The following CLEC14A variants were observed in gnomAD, a reference collection of about 807,000 sequenced individuals.
The protein encoded by CLEC14A is C-type lectin domain family 14 member A.
For synonymous variants in CLEC14A, 349 were observed against 292.0 expected (o/e 1.20, Z -1.99); for missense variants, 682 against 659.9 (o/e 1.03, Z -0.37).
chr14:38,254,546 T>G lies in CLEC14A; in HGVS notation c.*4A>C. The G allele has an allele frequency of 6.5e-7, 1 of 1,546,604 alleles. No individual in the cohort carries two copies. ...TCACAGGAGTGCCCATGTCCCCTGT[T>G]TCCCTATGCATCACTAGAGCCAAGA... On this transcript the variant is annotated 3_prime_UTR_variant, in exon 1 of 1. Transcript: ENST00000342213.
At position 38,254,468 on chromosome 14, in the gene CLEC14A, T is replaced by C. The variant is rs984576278; in HGVS notation, c.*82A>G. ...GGGGGATTTCTGCAGAAATTGTCAGTTACACAAGTAAGTTCCTCTTGGTTC... is the reference window on the plus strand; with the variant it reads ...GGGGGATTTCTGCAGAAATTGTCAGCTACACAAGTAAGTTCCTCTTGGTTC... On this transcript the variant is annotated 3_prime_UTR_variant, in exon 1 of 1. Transcript: ENST00000342213. The C allele has an allele frequency of 7.5e-7, 1 of 1,340,216 alleles. No individual in the cohort carries two copies. Among genetic ancestry groups the C allele is most frequent in the East Asian group, 2.3e-5 (1 of 42,894 alleles). 83.0% of individuals were successfully genotyped at this position (1,340,216 alleles called of 1,614,324 possible).
At position 38,255,912 on chromosome 14, in the gene CLEC14A, G is replaced by A. The variant is rs1269857298; in HGVS notation, c.111C>T (p.Cys37=). 1 of 1,567,334 alleles carries A rather than the reference G, an allele frequency of 6.4e-7. No individual in the cohort carries two copies. The highest frequency in any genetic ancestry group is 1.8e-5 in the Admixed American group (1 of 55,406). Reference sequence around the variant, plus strand: ...TCATGGTAGCGTGGTGCAGGCTGTAGCAGGCCCCCGAGGCCGAGCAGCCAG... The same window carrying A: ...TCATGGTAGCGTGGTGCAGGCTGTAACAGGCCCCCGAGGCCGAGCAGCCAG... ...DRAGCSASGA[C]YSLHHATMKR... The change falls in exon 1 of 1, where the codon TGC becomes TGT. Residue 37 remains cysteine (C), a synonymous_variant. Coordinates refer to ENST00000342213, the MANE Select transcript of CLEC14A (RefSeq NM_175060.3). The surrounding 1 kb of genome is among the most constrained non-coding windows in gnomAD (Gnocchi z 5.1).
rs747240370 is a variant in CLEC14A at position 38,254,623 on chromosome 14, C to A, written c.1400G>T (p.Gly467Val). 5 of 1,614,108 alleles carry A rather than the reference C, an allele frequency of 3.1e-6. No homozygotes were observed. The highest frequency in any genetic ancestry group is 8.5e-7 in the Non-Finnish European group (1 of 1,179,996). Residue 467 changes from glycine (G) to valine (V), a missense_variant, in exon 1 of 1, where the codon GGG (glycine) becomes GTG (valine). By Grantham distance (109) the Gly-to-Val change is moderately radical. Coordinates refer to ENST00000342213, the MANE Select transcript of CLEC14A (RefSeq NM_175060.3). The stretch of plus-strand genomic sequence containing the variant: ...TGCTCTGTCCCGCAGATCACAGTCC[C>A]CGACTTTCACCCCATTGTTTGTGCA... ...AHCTNNGVKV[G>V]DCDLRDRAEG... is the part of the protein sequence containing the mutation.
Position 38,254,762 on chromosome 14 carries a change from C to A in CLEC14A, c.1261G>T (p.Val421Phe), listed in dbSNP as rs749793261. Residue 421 changes from valine (V) to phenylalanine (F), a missense_variant, in exon 1 of 1, where the codon GTC (valine) becomes TTC (phenylalanine). By Grantham distance (50) the Val-to-Phe change is conservative (BLOSUM62 -1). Coordinates refer to ENST00000342213, the MANE Select transcript of CLEC14A (RefSeq NM_175060.3). ...VILTMTVLGLVKLCFHESPSS... is the reference protein window; with the variant it reads ...VILTMTVLGLFKLCFHESPSS... ...GGGCTTTCGTGAAAGCAGAGCTTGACAAGCCCCAGTACTGTCATGGTCAAG... is the reference window on the plus strand; with the variant it reads ...GGGCTTTCGTGAAAGCAGAGCTTGAAAAGCCCCAGTACTGTCATGGTCAAG... The A allele has an allele frequency of 6.2e-7, 1 of 1,614,156 alleles. No homozygotes were observed. Among genetic ancestry groups the A allele is most frequent in the Non-Finnish European group, 8.5e-7 (1 of 1,180,028 alleles).
rs538320294 is a variant in CLEC14A at position 38,256,017 on chromosome 14, C to T, written c.6G>A (p.Arg2=). The change falls in exon 1 of 1, where the codon AGG becomes AGA. Residue 2 remains arginine (R), a synonymous_variant. Coordinates refer to ENST00000342213, the MANE Select transcript of CLEC14A (RefSeq NM_175060.3). The part of the protein sequence containing the change: M[R]PAFALCLLWQ... ...AGAGGAGGCACAGGGCGAACGCCGG[C>T]CTCATTCTCTGAGGCCCCGCACGCA... is the stretch of plus-strand genomic sequence containing the variant. The T allele has an allele frequency of 6.6e-7, 1 of 1,523,706 alleles. No homozygotes were observed. 94.4% of individuals were successfully genotyped at this position (1,523,706 alleles called of 1,614,324 possible).
rs1884041659 is a variant in CLEC14A, at chr14:38,255,715, C to CT, written c.307_308insA (p.Cys103Ter). 5.1e-6 allele frequency: 8 copies of CT among 1,567,382 alleles called. No individual in the cohort carries two copies. The East Asian group carries it at 1.9e-4, about 37-fold the overall frequency. ...CCGCAAAGGCTCGTTCTCCAGGGTG[C>CT]AGTGGGAACGCCTGCGCTCCAGTGC... is the stretch of plus-strand genomic sequence containing the variant. Reference protein sequence around the residue: ...WVALERRRSHCTLENEPLRGF... With the variant: ...WVALERRRSH Residue 103 changes from cysteine to a stop codon, truncating the protein, a stop_gained and frameshift_variant, in exon 1 of 1, where the codon TGC (cysteine) becomes TAGC (stop). Coordinates refer to ENST00000342213, the MANE Select transcript of CLEC14A (RefSeq NM_175060.3). LOFTEE classifies it low-confidence loss of function (END_TRUNC). This position sits in a 1 kb window ranked among gnomAD's most constrained non-coding sequence, Gnocchi z 5.1.
At position 38,255,419 on chromosome 14, in the gene CLEC14A, C is replaced by A; in HGVS notation, c.604G>T (p.Ala202Ser). The A allele has an allele frequency of 1.2e-6, 2 of 1,613,322 alleles. No homozygotes were observed. Among genetic ancestry groups the A allele is most frequent in the Non-Finnish European group, 8.5e-7 (1 of 1,180,026 alleles). The part of the protein sequence containing the change: ...YRAPFQLHSA[A>S]LDFSPPGTEV... ...GTCCCAGGTGGACTGAAGTCCAGAG[C>A]GGCGCTGTGCAGCTGGAAGGGCGCG... Residue 202 changes from alanine (A) to serine (S), a missense_variant, in exon 1 of 1, where the codon GCT becomes TCT. Physicochemically the swap from Ala to Ser is moderately conservative, Grantham distance 99 (BLOSUM62 1). Transcript: ENST00000342213. This position sits in a 1 kb window ranked among gnomAD's most constrained non-coding sequence, Gnocchi z 5.1.
chr14:38,255,799 G>C lies in CLEC14A; in HGVS notation c.224C>G (p.Ala75Gly), dbSNP rs1202891217. The C allele has an allele frequency of 6.5e-7, 1 of 1,540,746 alleles. No individual in the cohort carries two copies. Among genetic ancestry groups the C allele is most frequent in the South Asian group, 1.2e-5 (1 of 84,480 alleles). The change falls in exon 1 of 1, where the codon GCG becomes GGG. Residue 75 changes from alanine (A) to glycine (G), a missense_variant. By Grantham distance (60) the Ala-to-Gly change is moderately conservative. Transcript: ENST00000342213. The surrounding 1 kb of genome is among the most constrained non-coding windows in gnomAD (Gnocchi z 5.1). ...GGGCCCTGGGCCTGCCCGCAGGAGC[G>C]CGAGCACAGCGCGCAGCTCGGCGCC... ...RAGAELRAVL[A>G]LLRAGPGPGG...
At position 38,255,406 on chromosome 14, in the gene CLEC14A, C is replaced by A. The variant is rs749415136; in HGVS notation, c.617G>T (p.Ser206Ile). ...CGCACTCACCTCGGTCCCAGGTGGA[C>A]TGAAGTCCAGAGCGGCGCTGTGCAG... is the stretch of plus-strand genomic sequence containing the variant. ...FQLHSAALDF[S>I]PPGTEVSALC... The change falls in exon 1 of 1, where the codon AGT (serine) becomes ATT (isoleucine). Residue 206 changes from serine to isoleucine, a missense_variant. Ser to Ile is a moderately radical substitution (Grantham distance 142, BLOSUM62 -2). Coordinates refer to ENST00000342213, the MANE Select transcript of CLEC14A (RefSeq NM_175060.3). This position sits in a 1 kb window ranked among gnomAD's most constrained non-coding sequence, Gnocchi z 5.1. The A allele has an allele frequency of 2.5e-6, 4 of 1,613,446 alleles. No individual in the cohort carries two copies. In the South Asian group the frequency reaches 4.4e-5, roughly 18 times the overall value.
At position 38,254,244 on chromosome 14, in the gene CLEC14A, T is replaced by A. The variant is rs1883992895; in HGVS notation, c.*306A>T. 2 of 257,656 alleles carry A rather than the reference T, an allele frequency of 7.8e-6. No homozygotes were observed. Among genetic ancestry groups the A allele is most frequent in the African/African-American group, 4.4e-5 (2 of 44,944 alleles). 16.0% of individuals were successfully genotyped at this position (257,656 alleles called of 1,614,324 possible). A position where few individuals can be genotyped will look rare whatever the true frequency, so the allele number is the denominator to read the frequency against. On this transcript the variant is annotated 3_prime_UTR_variant, in exon 1 of 1. Coordinates refer to ENST00000342213, the MANE Select transcript of CLEC14A (RefSeq NM_175060.3). ...ATTTTTTAATGTAAATTATATTGTG[T>A]TCTATTTGTTTCCAATGTCTTGAAA...
chr14:38,255,913 C>A lies in CLEC14A; in HGVS notation c.110G>T (p.Cys37Phe). The change falls in exon 1 of 1, where the codon TGC becomes TTC. Residue 37 changes from cysteine to phenylalanine, a missense_variant. Transcript: ENST00000342213. This position sits in a 1 kb window ranked among gnomAD's most constrained non-coding sequence, Gnocchi z 5.1. ...CATGGTAGCGTGGTGCAGGCTGTAGCAGGCCCCCGAGGCCGAGCAGCCAGC... is the reference window on the plus strand; with the variant it reads ...CATGGTAGCGTGGTGCAGGCTGTAGAAGGCCCCCGAGGCCGAGCAGCCAGC... ...DRAGCSASGA[C>F]YSLHHATMKR... 6.4e-7 allele frequency: 1 copy of A among 1,567,692 alleles called. No individual in the cohort carries two copies.
chr14:38,254,705 G>A lies in CLEC14A; in HGVS notation c.1318C>T (p.Pro440Ser). 2 of 1,614,178 alleles carry A rather than the reference G, an allele frequency of 1.2e-6. No individual in the cohort carries two copies. The highest frequency in any genetic ancestry group is 2.2e-5 in the East Asian group (1 of 44,868). The change falls in exon 1 of 1, where the codon CCG becomes TCG. Residue 440 changes from proline (P) to serine (S), a missense_variant. By Grantham distance (74) the Pro-to-Ser change is moderately conservative. Transcript: ENST00000342213. ...SSQPRKESMG[P>S]PGLESDPEPA... ...TCAGGATCACTCTCCAGGCCCGGCG[G>A]GCCCATAGACTCCTTCCTTGGCTGG...
Position 38,255,779 on chromosome 14 carries a change from C to T in CLEC14A, c.244G>A (p.Gly82Arg). 6.5e-7 allele frequency: 1 copy of T among 1,543,796 alleles called. No individual in the cohort carries two copies. Among genetic ancestry groups the T allele is most frequent in the Non-Finnish European group, 8.7e-7 (1 of 1,148,628 alleles). ...AGGTCTTTGGAGCCCCCTCCGGGCC[C>T]TGGGCCTGCCCGCAGGAGCGCGAGC... ...AVLALLRAGP[G>R]PGGGSKDLLF... The change falls in exon 1 of 1, where the codon GGG (glycine) becomes AGG (arginine). Residue 82 changes from glycine (G) to arginine (R), a missense_variant. Gly to Arg is a moderately radical substitution (Grantham distance 125). Transcript: ENST00000342213. The surrounding 1 kb of genome is among the most constrained non-coding windows in gnomAD (Gnocchi z 5.1).
chr14:38,254,640 G>C lies in CLEC14A; in HGVS notation c.1383C>G (p.Asn461Lys). The C allele has an allele frequency of 6.2e-7, 1 of 1,614,138 alleles. No homozygotes were observed. Among genetic ancestry groups the C allele is most frequent in the Non-Finnish European group, 8.5e-7 (1 of 1,180,018 alleles). ...CACAGTCCCCGACTTTCACCCCATT[G>C]TTTGTGCAATGTGCAGAACTGGAGC... Reference protein sequence around the residue: ...ALGSSSAHCTNNGVKVGDCDL... With the variant: ...ALGSSSAHCTKNGVKVGDCDL... The change falls in exon 1 of 1, where the codon AAC (asparagine) becomes AAG (lysine). Residue 461 changes from asparagine (N) to lysine (K), a missense_variant. By Grantham distance (94) the Asn-to-Lys change is moderately conservative. Coordinates refer to ENST00000342213, the MANE Select transcript of CLEC14A (RefSeq NM_175060.3).
Position 38,255,691 on chromosome 14 carries a change from C to T in CLEC14A, c.332G>A (p.Arg111Gln). 1.9e-6 allele frequency: 3 copies of T among 1,584,846 alleles called. No individual in the cohort carries two copies. The highest frequency in any genetic ancestry group is 1.3e-5 in the African/African-American group (1 of 74,524). ...SHCTLENEPLRGFSWLSSDPG... is the reference protein window; with the variant it reads ...SHCTLENEPLQGFSWLSSDPG... ...GTCGGAGGACAGCCAGGAGAAACCC[C>T]GCAAAGGCTCGTTCTCCAGGGTGCA... Residue 111 changes from arginine to glutamine, a missense_variant, in exon 1 of 1, where the codon CGG (arginine) becomes CAG (glutamine). Arg to Gln is a conservative substitution (Grantham distance 43, BLOSUM62 1). Coordinates refer to ENST00000342213, the MANE Select transcript of CLEC14A (RefSeq NM_175060.3). The surrounding 1 kb of genome is among the most constrained non-coding windows in gnomAD (Gnocchi z 5.1).
rs376113989 is a variant in CLEC14A, at chr14:38,254,976, C to T, written c.1047G>A (p.Trp349Ter). The change falls in exon 1 of 1, where the codon TGG becomes TGA. Residue 349 changes from tryptophan (W) to a stop codon, truncating the protein, a stop_gained. Transcript: ENST00000342213. LOFTEE classifies it low-confidence loss of function (END_TRUNC). The stretch of plus-strand genomic sequence containing the variant: ...GGGTAGACATCGTGCTCTGTGATCC[C>T]CATCGAGGAATCTCAGGAATAGATG... ...SVTSIPEIPR[W>*]GSQSTMSTLQ... 7.4e-6 allele frequency: 12 copies of T among 1,614,016 alleles called. No homozygotes were observed. In the African/African-American group the frequency reaches 1.6e-4, roughly 22 times the overall value.
chr14:38,255,361 G>C lies in CLEC14A; in HGVS notation c.662C>G (p.Pro221Arg), dbSNP rs931273230. The change falls in exon 1 of 1, where the codon CCG (proline) becomes CGG (arginine). Residue 221 changes from proline (P) to arginine (R), a missense_variant. Physicochemically the swap from Pro to Arg is moderately radical, Grantham distance 103 (BLOSUM62 -2). Coordinates refer to ENST00000342213, the MANE Select transcript of CLEC14A (RefSeq NM_175060.3). This position sits in a 1 kb window ranked among gnomAD's most constrained non-coding sequence, Gnocchi z 5.1. ...EVSALCRGQL[P>R]ISVTCIADEI... is the part of the protein sequence containing the mutation. ...GTCCGCGATGCAAGTAACTGAGATCGGGAGCTGTCCCCGGCAGAGCGCACT... is the reference window on the plus strand; with the variant it reads ...GTCCGCGATGCAAGTAACTGAGATCCGGAGCTGTCCCCGGCAGAGCGCACT... 1 of 1,613,512 alleles carries C rather than the reference G, an allele frequency of 6.2e-7. No individual in the cohort carries two copies. Among genetic ancestry groups the C allele is most frequent in the Non-Finnish European group, 8.5e-7 (1 of 1,180,034 alleles).
At position 38,254,831 on chromosome 14, in the gene CLEC14A, C is replaced by T. The variant is rs372611166; in HGVS notation, c.1192G>A (p.Val398Met). 7 of 1,613,982 alleles carry T rather than the reference C, an allele frequency of 4.3e-6. No homozygotes were observed. The highest frequency in any genetic ancestry group is 5.1e-6 in the Non-Finnish European group (6 of 1,180,016). The change falls in exon 1 of 1, where the codon GTG becomes ATG. Residue 398 changes from valine to methionine, a missense_variant. By Grantham distance (21) the Val-to-Met change is conservative. Transcript: ENST00000342213. Reference sequence around the variant, plus strand: ...GCTGTGCTCACAAATATGAAGACCACGGCAGAGGAGGAGTCGAAAGCCTGA... The same window carrying T: ...GCTGTGCTCACAAATATGAAGACCATGGCAGAGGAGGAGTCGAAAGCCTGA... Reference protein sequence around the residue: ...TPQAFDSSSAVVFIFVSTAVV... With the variant: ...TPQAFDSSSAMVFIFVSTAVV...
At position 38,255,626 on chromosome 14, in the gene CLEC14A, C is replaced by T. The variant is rs368723459; in HGVS notation, c.397G>A (p.Glu133Lys). 8 of 1,609,434 alleles carry T rather than the reference C, an allele frequency of 5.0e-6. No homozygotes were observed. The highest frequency in any genetic ancestry group is 6.8e-6 in the Non-Finnish European group (8 of 1,179,640). The change falls in exon 1 of 1, where the codon GAG becomes AAG. Residue 133 changes from glutamate (E) to lysine (K), a missense_variant. Physicochemically the swap from Glu to Lys is moderately conservative, Grantham distance 56 (BLOSUM62 1). Transcript: ENST00000342213. The surrounding 1 kb of genome is among the most constrained non-coding windows in gnomAD (Gnocchi z 5.1). The stretch of plus-strand genomic sequence containing the variant: ...CGCGCGGTGCAGGAGCGTTGGGGCT[C>T]CTCCACCCACTGCAGCGTGTCGCTT... ...LESDTLQWVE[E>K]PQRSCTARRC... is the part of the protein sequence containing the mutation.
Sources: gnomAD v4.1 joint callset for allele counts on GRCh38, gnomAD v4.1.1 for gene constraint, Gnocchi (gnomAD v3.1) non-coding constraint, MANE v1.5 for transcripts, NCBI Gene and HGNC (gene_info 2026-07-23, HGNC 2026-07-21) for gene names.